The following CDR2L variants were observed in gnomAD, a reference collection of about 807,000 sequenced individuals.
CDR2L encodes cerebellar degeneration-related protein 2-like.
In CDR2L, 19 loss-of-function variants were observed where a neutral mutation model predicts 36.1. That is an observed-to-expected ratio of 0.53 (90% confidence interval 0.37 to 0.77). CDR2L has a LOEUF of 0.77. CDR2L is among the 30% of genes least tolerant of loss of function. CDR2L has a pLI of 0.00. For synonymous variants in CDR2L, 285 were observed against 280.4 expected, an observed-to-expected ratio of 1.02 and a Z score of -0.16; for missense variants, 575 against 627.2, an observed-to-expected ratio of 0.92 and a Z score of 0.89.
Position 75,004,112 on chromosome 17 carries a change from C to G in CDR2L, c.*38C>G. 1 of 1,549,162 alleles carries G rather than the reference C, an allele frequency of 6.5e-7. No individual in the cohort carries two copies. Among genetic ancestry groups the G allele is most frequent in the Non-Finnish European group, 8.7e-7 (1 of 1,145,706 alleles). On this transcript the variant is annotated 3_prime_UTR_variant, in exon 5 of 5. Coordinates refer to ENST00000337231, the MANE Select transcript of CDR2L (RefSeq NM_014603.3). The stretch of plus-strand genomic sequence containing the variant: ...CTGCAGCCTCCCCCAGGGTGGAAGC[C>G]GTGGGGTCCCTCAGGCCTGGGCGGT...
rs530249060 is a variant in CDR2L, at chr17:75,003,828, C to T, written c.1152C>T (p.Ala384=). 9 of 1,561,266 alleles carry T rather than the reference C, an allele frequency of 5.8e-6. No homozygotes were observed. Among genetic ancestry groups the T allele is most frequent in the African/African-American group, 1.4e-5 (1 of 73,636 alleles). The part of the protein sequence containing the change: ...CRQHGAGVRH[A]GVQTSRPISR... Reference sequence around the variant, plus strand: ...AGCACGGGGCCGGAGTGCGGCACGCCGGCGTGCAGACCTCGCGCCCCATCT... The same window carrying T: ...AGCACGGGGCCGGAGTGCGGCACGCTGGCGTGCAGACCTCGCGCCCCATCT... The change falls in exon 5 of 5, where the codon GCC becomes GCT. Residue 384 remains alanine, a synonymous_variant. Coordinates refer to ENST00000337231, the MANE Select transcript of CDR2L (RefSeq NM_014603.3).
chr17:74,999,325 C>CACACACACAAA lies in CDR2L; in HGVS notation c.80-178_80-177insCACACACAAAA, dbSNP rs368672422. Among the ~76,000 whole-genome samples the CACACACACAAA allele has an allele frequency of 4.4e-4, 66 of 151,090 alleles. No homozygotes were observed. In the East Asian group the frequency reaches 0.013, roughly 30 times the overall value. On this transcript the variant is annotated intron_variant, in intron 1 of 4. Transcript: ENST00000337231. ...ACACACACACACACACAGACACACA[C>CACACACACAAA]AAAAAGAACATTCCAGGCAGAAATA...
chr17:74,994,847 G>A (rs933945421), intron 1 of CDR2L, among the ~76,000 whole-genome samples: 7 of 151,962 alleles, frequency 4.6e-5, no homozygotes, highest in Admixed American at 3.3e-4. Flanking sequence ...GAAGTGGGCG[G>A]ATCACGAGGT....
At chr17:75,000,337 A>G (rs913537379) in intron 2 of CDR2L, among the ~76,000 whole-genome samples, 16 of 136,926 alleles carry the variant, frequency 1.2e-4, no homozygotes, top group Non-Finnish European at 2.0e-4. Context: ...TCACTCTGTC[A>G]CCCAGGCTGG....
At chr17:75,001,563 A>G (rs1336267146) in intron 3 of CDR2L, 74 bp downstream of exon 3, 2 of 1,315,058 alleles carry the variant, frequency 1.5e-6, no homozygotes, top group Non-Finnish European at 2.0e-6. Context: ...GGGCCCATGG[A>G]CTGATGGGTG....
Position 75,003,778 on chromosome 17 carries a change from G to A in CDR2L, c.1102G>A (p.Glu368Lys), listed in dbSNP as rs1192999281. ...GTACCACGCGCTGCTGGAGAAGTAC[G>A]AGGAGCTGCTGAGCAAGTGCCGGCA... ...EQYHALLEKY[E>K]ELLSKCRQHG... Residue 368 changes from glutamate (E) to lysine (K), a missense_variant, in exon 5 of 5, where the codon GAG becomes AAG. Glu to Lys is a moderately conservative substitution (Grantham distance 56). Coordinates refer to ENST00000337231, the MANE Select transcript of CDR2L (RefSeq NM_014603.3). 2.0e-6 allele frequency: 3 copies of A among 1,519,706 alleles called. No individual in the cohort carries two copies. The highest frequency in any genetic ancestry group is 2.8e-5 in the African/African-American group (2 of 72,278). 94.1% of individuals were successfully genotyped at this position (1,519,706 alleles called of 1,614,324 possible). A position where few individuals can be genotyped will look rare whatever the true frequency, so the allele number is the denominator to read the frequency against.
At chr17:74,998,468 T>C (rs928710690) in intron 1 of CDR2L, among the ~76,000 whole-genome samples, 2 of 151,510 alleles carry the variant, frequency 1.3e-5, no homozygotes, top group Non-Finnish European at 2.9e-5. Flanking sequence ...GCAGCACATA[T>C]GATCACACCT....
chr17:74,999,326 A>AC (rs60772273), intron 1 of CDR2L, among the ~76,000 whole-genome samples, 178 bp from the exon 2 acceptor site: 1,702 of 133,628 alleles, frequency 0.013, 17 homozygotes, highest in Non-Finnish European at 0.017. Flanking sequence ...AGACACACAC[A>AC]AAAAGAACAT....
rs1190708489 is a variant in CDR2L, at chr17:75,002,599, C to T, written c.506+371C>T. Among the ~76,000 whole-genome samples the T allele has an allele frequency of 6.6e-6, 1 of 152,162 alleles. No homozygotes were observed. Among genetic ancestry groups the T allele is most frequent in the African/African-American group, 2.4e-5 (1 of 41,424 alleles). On this transcript the variant is annotated intron_variant, in intron 4 of 4. Coordinates refer to ENST00000337231, the MANE Select transcript of CDR2L (RefSeq NM_014603.3). The surrounding 1 kb of genome is among the most constrained non-coding windows in gnomAD (Gnocchi z 4.1). The stretch of plus-strand genomic sequence containing the variant: ...CCCATTAAATCTAACACTAGACAAC[C>T]ACTTAATAATGGAAAAATACATGTG...
intron 1 of CDR2L, among the ~76,000 whole-genome samples, chr17:74,996,578 A>G (rs1283680233): frequency 2.0e-5 from 3 of 151,426 alleles, no homozygotes; most frequent in Non-Finnish European, 4.4e-5. Flanking sequence ...ATTTTTAGGG[A>G]TTTTAGTACC....
At chr17:75,003,103 G>A in intron 4 of CDR2L, 80 bp from the exon 5 acceptor site, 1 of 1,445,934 alleles carries the variant, frequency 6.9e-7, no homozygotes, top group Non-Finnish European at 9.3e-7. Flanking sequence ...GCCCTGGCTG[G>A]GCTGCTCGGC....
At position 75,004,036 on chromosome 17, in the gene CDR2L, A is replaced by T. The variant is rs1298400601; in HGVS notation, c.1360A>T (p.Ile454Phe). 1.9e-6 allele frequency: 3 copies of T among 1,611,078 alleles called. No individual in the cohort carries two copies. The highest frequency in any genetic ancestry group is 2.5e-6 in the Non-Finnish European group (3 of 1,178,874). Residue 454 changes from isoleucine to phenylalanine, a missense_variant, in exon 5 of 5, where the codon ATC becomes TTC. By Grantham distance (21) the Ile-to-Phe change is conservative. Transcript: ENST00000337231. ...CAGGATCCAGAAGACCAAGGCTGAC[A>T]TCAACGCCACCAAAGTCAAGACGCA... ...FSRIQKTKAD[I>F]NATKVKTHSS...
chr17:74,994,240 C>T lies in CDR2L; in HGVS notation c.80-5264C>T, dbSNP rs1598652947. Among the ~76,000 whole-genome samples, 4 of 152,294 alleles carry T rather than the reference C, an allele frequency of 2.6e-5. No individual in the cohort carries two copies. The South Asian group carries it at 8.3e-4, about 32-fold the overall frequency. The stretch of plus-strand genomic sequence containing the variant: ...TAGAGCCTATCCGTCCTCCAGAGAC[C>T]CTAGAACTATCACTATGTCTAAAAA... On this transcript the variant is annotated intron_variant, in intron 1 of 4. Transcript: ENST00000337231.
At chr17:74,996,352 GA>G (rs2039825435) in intron 1 of CDR2L, among the ~76,000 whole-genome samples, 1 of 144,980 alleles carries the variant, frequency 6.9e-6, no homozygotes, top group Non-Finnish European at 1.5e-5. Flanking sequence ...GCTGAGGCAG[GA>G]AAATAGCTTG....
rs770284429 is a variant in CDR2L, at chr17:75,003,887, G to A, written c.1211G>A (p.Gly404Asp). The change falls in exon 5 of 5, where the codon GGT becomes GAT. Residue 404 changes from glycine (G) to aspartate (D), a missense_variant. By Grantham distance (94) the Gly-to-Asp change is moderately conservative (BLOSUM62 -1). Coordinates refer to ENST00000337231, the MANE Select transcript of CDR2L (RefSeq NM_014603.3). ...AGCTCGTGGAGGGACCTGCGCGGGG[G>A]TGAGGAGGGCCAGGGTGAGGTCAAG... ...RDSSWRDLRG[G>D]EEGQGEVKAG... 2 of 1,605,622 alleles carry A rather than the reference G, an allele frequency of 1.2e-6. No individual in the cohort carries two copies. Among genetic ancestry groups the A allele is most frequent in the Admixed American group, 1.7e-5 (1 of 58,720 alleles).
At chr17:74,993,434 C>T (rs1252728331) in intron 1 of CDR2L, among the ~76,000 whole-genome samples, 3 of 152,142 alleles carry the variant, frequency 2.0e-5, no homozygotes, top group Non-Finnish European at 2.9e-5. Flanking sequence ...AGCACCAGCA[C>T]GCCCAGCTAA....
Position 75,005,406 on chromosome 17 carries a change from T to C in CDR2L, c.*1332T>C, listed in dbSNP as rs2039897431. 2 of 152,824 alleles carry C rather than the reference T, an allele frequency of 1.3e-5. No individual in the cohort carries two copies. The highest frequency in any genetic ancestry group is 1.3e-4 in the Admixed American group (2 of 15,284). The allele number at this position is 152,824 out of a possible 1,614,324, so 9.5% of individuals were successfully genotyped here. A position where few individuals can be genotyped will look rare whatever the true frequency, so the allele number is the denominator to read the frequency against. ...CAGTCAGTGGAAGGCGGGGGGGCCC[T>C]GGCCTCTGCACCGGGATCCCAGTGG... On this transcript the variant is annotated 3_prime_UTR_variant, in exon 5 of 5. Coordinates refer to ENST00000337231, the MANE Select transcript of CDR2L (RefSeq NM_014603.3). The surrounding 1 kb of genome is among the most constrained non-coding windows in gnomAD (Gnocchi z 4.2).
At chr17:74,996,706 C>T (rs1403433048) in intron 1 of CDR2L, among the ~76,000 whole-genome samples, 2 of 152,112 alleles carry the variant, frequency 1.3e-5, no homozygotes, top group African/African-American at 4.8e-5. Flanking sequence ...GGACTGGGGT[C>T]AGGGAGGGAA....
In CDR2L at chr17:74,999,623, G is replaced by A. The variant is rs761818505; in HGVS notation, c.192+7G>A. ...ACAGGTGCAGGAGATCGAGGTGAGGGCCCTGCATGTGCTTGCCCACACCCC... is the reference window on the plus strand; with the variant it reads ...ACAGGTGCAGGAGATCGAGGTGAGGACCCTGCATGTGCTTGCCCACACCCC... On this transcript the variant is annotated splice_region_variant and intron_variant, in intron 2 of 4. Coordinates refer to ENST00000337231, the MANE Select transcript of CDR2L (RefSeq NM_014603.3). 1.3e-6 allele frequency: 2 copies of A among 1,524,714 alleles called. No individual in the cohort carries two copies. The highest frequency in any genetic ancestry group is 1.2e-5 in the South Asian group (1 of 83,178). 94.4% of individuals were successfully genotyped at this position (1,524,714 alleles called of 1,614,324 possible).
Sources: allele counts gnomAD v4.1 joint callset (sites outside exome capture counted in the v4.1 genomes callset), GRCh38; gene constraint gnomAD v4.1.1; non-coding constraint Gnocchi (gnomAD v3.1); transcripts MANE v1.5; gene names NCBI Gene and HGNC (gene_info 2026-07-23, HGNC 2026-07-21).